The following INPP4B variants were observed in gnomAD, a reference collection of about 807,000 sequenced individuals.
INPP4B encodes inositol polyphosphate 4-phosphatase type II.
In INPP4B, 55 loss-of-function variants were observed where a neutral mutation model predicts 122.5. That is an observed-to-expected ratio of 0.45 (90% CI 0.36 to 0.56). INPP4B has a LOEUF of 0.56. INPP4B is among the 20% of genes least tolerant of loss of function. The probability of loss-of-function intolerance (pLI) is 0.00; values close to 1 mark genes in which losing one functional copy is unlikely to be tolerated. For synonymous variants in INPP4B, 403 were observed against 388.7 expected, an observed-to-expected ratio of 1.04 and a Z score of -0.43; for missense variants, 1,000 against 1,097.7, an observed-to-expected ratio of 0.91 and a Z score of 1.26.
In INPP4B at chr4:142,275,732, C is replaced by T. The variant is rs183304514; in HGVS notation, c.504-4958G>A. 1.9e-4 allele frequency among the ~76,000 whole-genome samples: 29 copies of T among 151,904 alleles called. No homozygotes were observed. In the East Asian group the frequency reaches 5.6e-3, roughly 29 times the overall value. ...CTTTCAAATTAATAGTAAAATAAAG[C>T]TTTTCAGTATTGTTTAATATTAATA... On this transcript the variant is annotated intron_variant, in intron 9 of 25. Coordinates refer to ENST00000262992, the MANE Select transcript of INPP4B (RefSeq NM_001101669.3).
chr4:142,667,828 TG>T (rs1756385050), intron 2 of INPP4B, among the ~76,000 whole-genome samples: 1 of 152,154 alleles, frequency 6.6e-6, no homozygotes, highest in African/African-American at 2.4e-5. Flanking sequence ...TGAAACTAAG[TG>T]CTATGATGAT....
At chr4:142,773,706 A>C (rs1773436098) in intron 1 of INPP4B, among the ~76,000 whole-genome samples, 1 of 152,224 alleles carries the variant, frequency 6.6e-6, no homozygotes, top group Non-Finnish European at 1.5e-5. Flanking sequence ...AGCATGAGTC[A>C]CAAAGTAGAG....
chr4:142,096,437 T>C (rs72718433), intron 23 of INPP4B, among the ~76,000 whole-genome samples: 4,404 of 152,264 alleles, frequency 0.029, 87 homozygotes, highest in Non-Finnish European at 0.044. Flanking sequence ...GGTGGACCTT[T>C]GTATATGTAT....
At chr4:142,354,829 A>G (rs1041934540) in intron 7 of INPP4B, among the ~76,000 whole-genome samples, 1 of 152,046 alleles carries the variant, frequency 6.6e-6, no homozygotes, top group East Asian at 1.9e-4. Context: ...CCTAACTAAC[A>G]TACGGCTAGT....
intron 2 of INPP4B, among the ~76,000 whole-genome samples, chr4:142,615,998 G>A (rs1461639089): frequency 6.6e-6 from 1 of 152,084 alleles, no homozygotes; most frequent in Non-Finnish European, 1.5e-5. Flanking sequence ...ATATGTTTGA[G>A]GCTTAAATAA....
intron 23 of INPP4B, 29 bp from the exon 24 acceptor site, chr4:142,086,285 TA>T (rs762607153): frequency 8.2e-7 from 1 of 1,222,626 alleles, no homozygotes; most frequent in Non-Finnish European, 1.2e-6. Flanking sequence ...AGGAGAAAAA[TA>T]AAATGAGACA....
chr4:142,460,360 G>A (rs75293085), intron 3 of INPP4B, among the ~76,000 whole-genome samples: 4,308 of 152,172 alleles, frequency 0.028, 201 homozygotes, highest in African/African-American at 0.099. Flanking sequence ...TGATGATTTG[G>A]TTTGGAAAAT....
chr4:142,363,310 A>G (rs1261951293), intron 7 of INPP4B, among the ~76,000 whole-genome samples: 3 of 151,996 alleles, frequency 2.0e-5, no homozygotes, highest in African/African-American at 7.2e-5. Flanking sequence ...TATGCCATGC[A>G]ATTAACACAA....
intron 12 of INPP4B, among the ~76,000 whole-genome samples, chr4:142,232,914 C>T (rs1855032402): frequency 6.6e-6 from 1 of 152,084 alleles, no homozygotes; most frequent in Non-Finnish European, 1.5e-5. Flanking sequence ...AATTCTAATC[C>T]AGAGCAAAGT....
At chr4:142,657,098 C>G (rs1754298065) in intron 2 of INPP4B, among the ~76,000 whole-genome samples, 1 of 152,114 alleles carries the variant, frequency 6.6e-6, no homozygotes, top group Non-Finnish European at 1.5e-5. Flanking sequence ...AAGGGCTGCA[C>G]CCAGTGACTG....
intron 1 of INPP4B, among the ~76,000 whole-genome samples, chr4:142,837,559 A>C (rs1005228575): frequency 6.6e-6 from 1 of 152,188 alleles, no homozygotes; most frequent in Non-Finnish European, 1.5e-5. Flanking sequence ...TAAATGAGAT[A>C]ATATAAAGGT....
intron 23 of INPP4B, among the ~76,000 whole-genome samples, chr4:142,095,557 T>C (rs893711689): frequency 1.3e-5 from 2 of 152,222 alleles, no homozygotes; most frequent in African/African-American, 4.8e-5. Context: ...AGTATCCATC[T>C]TACTTTGCAG....
chr4:142,435,900 A>AG (rs1810383318), intron 3 of INPP4B, among the ~76,000 whole-genome samples: 1 of 151,990 alleles, frequency 6.6e-6, no homozygotes, highest in East Asian at 1.9e-4. Context: ...TTCTGGGGGG[A>AG]GGGGCGGCAT....
chr4:142,649,112 AC>A (rs1303318615), intron 2 of INPP4B, among the ~76,000 whole-genome samples: 1 of 152,178 alleles, frequency 6.6e-6, no homozygotes, highest in Non-Finnish European at 1.5e-5. Context: ...ACTTCAACAG[AC>A]CTGCAGCTGA....
At chr4:142,406,267 A>G (rs1010884954) in intron 5 of INPP4B, among the ~76,000 whole-genome samples, 2 of 152,100 alleles carry the variant, frequency 1.3e-5, no homozygotes, top group African/African-American at 4.8e-5. Flanking sequence ...GGATGGGGGA[A>G]GTAGCCCTGG....
chr4:142,026,729 G>A lies in INPP4B; in HGVS notation c.*2053C>T, dbSNP rs1560857487. 6.6e-6 allele frequency: 1 copy of A among 152,172 alleles called. No individual in the cohort carries two copies. Among genetic ancestry groups the A allele is most frequent in the East Asian group, 1.9e-4 (1 of 5,200 alleles). The allele number at this position is 152,172 out of a possible 1,614,324, so 9.4% of individuals were successfully genotyped here. A position where few individuals can be genotyped will look rare whatever the true frequency, so the allele number is the denominator to read the frequency against. On this transcript the variant is annotated 3_prime_UTR_variant, in exon 26 of 26. Transcript: ENST00000262992. ...TGATCTATCCACCTTGGCTCCCAAA[G>A]TGCTGGGATTACAGGAAATCCTTGA... is the stretch of plus-strand genomic sequence containing the variant.
At chr4:142,353,848 G>C (rs1380018911) in intron 7 of INPP4B, among the ~76,000 whole-genome samples, 9 of 151,976 alleles carry the variant, frequency 5.9e-5, no homozygotes, top group Non-Finnish European at 1.3e-4. Flanking sequence ...ACTTTGGGCA[G>C]ATCACCCTGT....
At chr4:142,442,107 T>C (rs1216843715) in intron 3 of INPP4B, among the ~76,000 whole-genome samples, 3 of 151,912 alleles carry the variant, frequency 2.0e-5, no homozygotes, top group Non-Finnish European at 4.4e-5. Flanking sequence ...TTCAAAAGCA[T>C]AGACCATAAG....
intron 21 of INPP4B, among the ~76,000 whole-genome samples, chr4:142,114,867 T>A (rs1183575488): frequency 6.6e-6 from 1 of 151,942 alleles, no homozygotes; most frequent in African/African-American, 2.4e-5. Flanking sequence ...TTCTCCAAGC[T>A]AAAGGAGAAG....
Sources: gnomAD v4.1 joint callset for allele counts (sites outside exome capture counted in the v4.1 genomes callset) on GRCh38, gnomAD v4.1.1 for gene constraint, MANE v1.5 for transcripts, NCBI Gene and HGNC (gene_info 2026-07-23, HGNC 2026-07-21) for gene names.